CADM2: variants seen among roughly 807,000 people sequenced by gnomAD.
The protein encoded by CADM2 is immunoglobulin superfamily member 4D.
A neutral mutation model predicts 49.8 loss-of-function variants in CADM2; 12 were observed. The ratio of observed to expected loss-of-function variants is 0.24; its 90% confidence interval spans 0.15 to 0.39. The LOEUF (loss-of-function observed/expected upper bound fraction) is 0.39. CADM2 is among the 10% of genes least tolerant of loss of function. The pLI is 1.00. For synonymous variants in CADM2, 214 were observed against 175.4 expected (o/e 1.22, Z -1.74); for missense variants, 378 against 492.3 (o/e 0.77, Z 2.20).
chr3:85,652,101 G>A (rs370375133), intron 1 of CADM2, among the ~76,000 whole-genome samples: 4 of 151,394 alleles, frequency 2.6e-5, no homozygotes, highest in South Asian at 2.1e-4. Context: ...ACAGGCGTGA[G>A]CCACTGCACC....
At chr3:85,895,131 T>C (rs1328228261) in intron 5 of CADM2, among the ~76,000 whole-genome samples, 1 of 152,162 alleles carries the variant, frequency 6.6e-6, no homozygotes, top group Non-Finnish European at 1.5e-5. Flanking sequence ...CTGCAGACAC[T>C]CACGCCTGCT....
intron 3 of CADM2, among the ~76,000 whole-genome samples, chr3:85,809,541 A>G (rs1261858593): frequency 1.3e-5 from 2 of 152,140 alleles, no homozygotes; most frequent in Non-Finnish European, 2.9e-5. Context: ...CAGTGAACCA[A>G]TATAGCCTGG....
At position 85,912,430 on chromosome 3, in the gene CADM2, C is replaced by A. The variant is rs941279482; in HGVS notation, c.587C>A (p.Thr196Lys). The stretch of plus-strand genomic sequence containing the variant: ...CGCAAGACATTCACTGTCAGCAGCA[C>A]ACTGGACTTCCGAGTGGACCGGAGT... The part of the protein sequence containing the change: ...ANRKTFTVSS[T>K]LDFRVDRSDD... Residue 196 changes from threonine (T) to lysine (K), a missense_variant, in exon 6 of 10, where the codon ACA becomes AAA. Transcript: ENST00000383699. 1.9e-6 allele frequency: 3 copies of A among 1,613,912 alleles called. No homozygotes were observed. Among genetic ancestry groups the A allele is most frequent in the Non-Finnish European group, 2.5e-6 (3 of 1,179,974 alleles).
chr3:85,593,214 A>C (rs1046372622), intron 1 of CADM2, among the ~76,000 whole-genome samples: 6 of 151,852 alleles, frequency 4.0e-5, no homozygotes, highest in African/African-American at 1.5e-4. Flanking sequence ...TTTAGGGTAC[A>C]TGTGCACAAT....
chr3:85,884,475 TTTCAGGA>T (rs1330560131), intron 4 of CADM2, among the ~76,000 whole-genome samples: 1 of 152,170 alleles, frequency 6.6e-6, no homozygotes, highest in African/African-American at 2.4e-5. Flanking sequence ...AAATGGAGTA[TTTCAGGA>T]TAACAACTGC....
chr3:85,513,157 G>T (rs914135993), intron 1 of CADM2, among the ~76,000 whole-genome samples: 1 of 152,036 alleles, frequency 6.6e-6, no homozygotes, highest in Non-Finnish European at 1.5e-5. Flanking sequence ...GAGGCCATGA[G>T]AATTCAAGTT....
chr3:85,580,531 A>T (rs1054529338), intron 1 of CADM2, among the ~76,000 whole-genome samples: 10 of 152,106 alleles, frequency 6.6e-5, no homozygotes, highest in Admixed American at 6.6e-5. Context: ...GTGGCCAAAA[A>T]CTAATTAGCA....
intron 1 of CADM2, among the ~76,000 whole-genome samples, chr3:85,555,304 C>CT (rs1467163581): frequency 6.6e-6 from 1 of 152,140 alleles, no homozygotes; most frequent in South Asian, 2.1e-4. Context: ...AATGTTGCTT[C>CT]TGTCACACTC....
intron 1 of CADM2, among the ~76,000 whole-genome samples, chr3:84,962,568 C>T (rs1482969056): frequency 2.0e-5 from 3 of 152,052 alleles, no homozygotes; most frequent in East Asian, 3.9e-4. Context: ...AAATACTTAG[C>T]GGGTCTTTCT....
At chr3:85,616,535 A>G (rs1383628168) in intron 1 of CADM2, among the ~76,000 whole-genome samples, 2 of 152,108 alleles carry the variant, frequency 1.3e-5, no homozygotes, top group African/African-American at 4.8e-5. Flanking sequence ...ATCCTTAGGT[A>G]ATTGATATTA....
At chr3:85,828,575 T>A (rs1033605868) in intron 3 of CADM2, among the ~76,000 whole-genome samples, 1 of 151,950 alleles carries the variant, frequency 6.6e-6, no homozygotes, top group Non-Finnish European at 1.5e-5. Context: ...TATACCTATG[T>A]CTATATATCG....
intron 2 of CADM2, among the ~76,000 whole-genome samples, chr3:85,769,689 T>C (rs2069968542): frequency 7.4e-6 from 1 of 135,518 alleles, no homozygotes; most frequent in African/African-American, 3.0e-5. Context: ...TACATATATA[T>C]GATTTGTTCT....
intron 1 of CADM2, among the ~76,000 whole-genome samples, chr3:84,999,168 T>G (rs778977883): frequency 4.6e-5 from 7 of 152,286 alleles, no homozygotes; most frequent in Middle Eastern, 3.4e-3. Flanking sequence ...GTTAGCTTTA[T>G]GTAGGGAATA....
At chr3:85,943,160 T>C (rs1055047121) in intron 7 of CADM2, among the ~76,000 whole-genome samples, 24 of 150,922 alleles carry the variant, frequency 1.6e-4, no homozygotes, top group African/African-American at 5.9e-4. Context: ...TTCATGTCCT[T>C]CACCCACTTT....
intron 1 of CADM2, among the ~76,000 whole-genome samples, chr3:85,066,726 A>T (rs533692639): frequency 7.9e-4 from 120 of 152,290 alleles, no homozygotes; most frequent in African/African-American, 2.8e-3. Flanking sequence ...TTCTTCAAAG[A>T]CTAGTTAAGC....
intron 5 of CADM2, among the ~76,000 whole-genome samples, chr3:85,890,947 G>A (rs1044414520): frequency 3.9e-5 from 6 of 152,086 alleles, no homozygotes; most frequent in Admixed American, 2.0e-4. Context: ...GAGAGGCAGG[G>A]TTCAGTTATG....
At chr3:86,054,136 T>G (rs1737646946) in intron 8 of CADM2, among the ~76,000 whole-genome samples, 1 of 152,028 alleles carries the variant, frequency 6.6e-6, no homozygotes, top group Admixed American at 6.6e-5. Flanking sequence ...CTATTTAAGC[T>G]TAATATTTTA....
At chr3:85,543,347 C>T (rs1039001620) in intron 1 of CADM2, among the ~76,000 whole-genome samples, 5 of 151,778 alleles carry the variant, frequency 3.3e-5, no homozygotes, top group East Asian at 1.9e-4. Context: ...CTCCGCCTCC[C>T]AGGCTCAAGC....
At chr3:85,387,939 T>G (rs775596400) in intron 1 of CADM2, among the ~76,000 whole-genome samples, 7 of 152,180 alleles carry the variant, frequency 4.6e-5, no homozygotes, top group Non-Finnish European at 8.8e-5. Context: ...AAGAAACAAC[T>G]GATGTTTTTA....
Sources: gnomAD v4.1 joint callset for allele counts (sites outside exome capture counted in the v4.1 genomes callset) on GRCh38, gnomAD v4.1.1 for gene constraint, MANE v1.5 for transcripts, NCBI Gene and HGNC (gene_info 2026-07-23, HGNC 2026-07-21) for gene names.